The following FAF1 variants were observed in gnomAD, a reference collection of about 807,000 sequenced individuals.
The protein encoded by FAF1 is Fas associated factor 1, also known as FAS-associated factor 1.
FAF1 carries 25 observed loss-of-function variants against 92.5 expected under a neutral mutation model. That is an observed-to-expected ratio of 0.27 (90% CI 0.20 to 0.38). FAF1 has a LOEUF of 0.38. Among genes scored for constraint, FAF1 ranks in the 10% least tolerant of loss-of-function variants. FAF1 has a pLI of 1.00. For synonymous variants in FAF1, 234 were observed against 273.2 expected, an observed-to-expected ratio of 0.86 and a Z score of 1.42; for missense variants, 636 against 793.3, an observed-to-expected ratio of 0.80 and a Z score of 2.38.
chr1:50,646,779 G>A (rs1018996814), intron 8 of FAF1, among the ~76,000 whole-genome samples: 1 of 152,034 alleles, frequency 6.6e-6, no homozygotes, highest in African/African-American at 2.4e-5. Context: ...CAACTTTAAG[G>A]GCCAGCACAG....
chr1:50,718,557 G>T lies in FAF1; in HGVS notation c.552-12666C>A, dbSNP rs541452516. 3.4e-4 allele frequency among the ~76,000 whole-genome samples: 51 copies of T among 152,162 alleles called. No homozygotes were observed. In the South Asian group the frequency reaches 0.01, roughly 31 times the overall value. The stretch of plus-strand genomic sequence containing the variant: ...CATATGTTATTTCTTTTCTTGCACT[G>T]TATATTTTAAACAAAAATAACAATT... On this transcript the variant is annotated intron_variant, in intron 6 of 18. Coordinates refer to ENST00000396153, the MANE Select transcript of FAF1 (RefSeq NM_007051.3).
At chr1:50,625,326 A>G (rs187993855) in intron 8 of FAF1, among the ~76,000 whole-genome samples, 91 of 152,310 alleles carry the variant, frequency 6.0e-4, no homozygotes, top group African/African-American at 2.1e-3. Flanking sequence ...TTCTCTAATC[A>G]TCCTGTCAAC....
chr1:50,586,724 T>C (rs913672829), intron 9 of FAF1, among the ~76,000 whole-genome samples: 3 of 152,184 alleles, frequency 2.0e-5, no homozygotes, highest in African/African-American at 7.2e-5. Context: ...CAATGCTTTC[T>C]CATTTTAGAG....
At chr1:50,700,026 G>A (rs1569792802) in intron 7 of FAF1, among the ~76,000 whole-genome samples, 1 of 151,806 alleles carries the variant, frequency 6.6e-6, no homozygotes, top group Non-Finnish European at 1.5e-5. Flanking sequence ...CTTAAATAGC[G>A]CACTTTAAAA....
intron 1 of FAF1, among the ~76,000 whole-genome samples, chr1:50,891,699 G>A (rs1354879461): frequency 6.6e-6 from 1 of 152,212 alleles, no homozygotes; most frequent in East Asian, 1.9e-4. Context: ...AAATGTTGCT[G>A]CCTGATGATT....
At chr1:50,920,441 TCATGTCACTGATACG>T (rs1644954018) in intron 1 of FAF1, among the ~76,000 whole-genome samples, 1 of 152,086 alleles carries the variant, frequency 6.6e-6, no homozygotes, top group Non-Finnish European at 1.5e-5. Context: ...ATTGCCTGGC[TCATGTCACTGATACG>T]TGGCAGATGC....
chr1:50,605,324 A>C (rs998678498), intron 8 of FAF1, among the ~76,000 whole-genome samples: 1 of 152,218 alleles, frequency 6.6e-6, no homozygotes. Flanking sequence ...GAGGTTCTGA[A>C]GTATTTTACG....
intron 12 of FAF1, among the ~76,000 whole-genome samples, chr1:50,579,235 C>T (rs1015606024): frequency 3.3e-5 from 5 of 152,034 alleles, no homozygotes; most frequent in South Asian, 2.1e-4. Context: ...CTTTTGTCTA[C>T]GATATACTGT....
chr1:50,528,320 A>G (rs558777822), intron 15 of FAF1, among the ~76,000 whole-genome samples: 1 of 152,276 alleles, frequency 6.6e-6, no homozygotes, highest in African/African-American at 2.4e-5. Flanking sequence ...GCTTTTAGCA[A>G]TAGATTTTTT....
At chr1:50,838,064 G>A (rs921121664) in intron 2 of FAF1, among the ~76,000 whole-genome samples, 1 of 151,892 alleles carries the variant, frequency 6.6e-6, no homozygotes, top group Non-Finnish European at 1.5e-5. Context: ...TATACAATGT[G>A]TCCCTTAAAA....
At chr1:50,768,047 A>G (rs2124540917) in intron 4 of FAF1, among the ~76,000 whole-genome samples, 1 of 152,376 alleles carries the variant, frequency 6.6e-6, no homozygotes, top group Non-Finnish European at 1.5e-5. Context: ...TGCCAAAAAG[A>G]GAACCATCAC....
chr1:50,774,151 A>C lies in FAF1; in HGVS notation c.367+13849T>G, dbSNP rs1188094549. ...TGCAGGTAGACTAAACAATACTACT[A>C]ACACACAACATTTGCTGTCTTTCTT... On this transcript the variant is annotated intron_variant, in intron 4 of 18. Transcript: ENST00000396153. Among the ~76,000 whole-genome samples, 4 of 152,192 alleles carry C rather than the reference A, an allele frequency of 2.6e-5. No individual in the cohort carries two copies. The East Asian group carries it at 7.7e-4, about 29-fold the overall frequency.
chr1:50,684,675 A>G (rs906015017), intron 7 of FAF1, among the ~76,000 whole-genome samples: 25 of 152,206 alleles, frequency 1.6e-4, no homozygotes, highest in African/African-American at 6.0e-4. Flanking sequence ...AAATTCCTGA[A>G]TATTTAATAA....
intron 2 of FAF1, among the ~76,000 whole-genome samples, chr1:50,855,523 G>A (rs745836722): frequency 2.7e-4 from 41 of 151,812 alleles, no homozygotes; most frequent in Non-Finnish European, 5.3e-4. Flanking sequence ...CCTAGAAAAT[G>A]CAGATCAGTG....
intron 6 of FAF1, among the ~76,000 whole-genome samples, chr1:50,732,318 G>T (rs1445290628): frequency 1.3e-5 from 2 of 151,934 alleles, no homozygotes; most frequent in Non-Finnish European, 2.9e-5. Flanking sequence ...CTCGTGATCT[G>T]CCCACCTTGG....
Position 50,438,925 on chromosome 1 carries a change from T to C in FAF1, c.*2515A>G, listed in dbSNP as rs374363156. 1.3e-4 allele frequency: 20 copies of C among 151,768 alleles called. 1 individual carries two copies. The highest frequency in any genetic ancestry group is 4.9e-4 in the African/African-American group (20 of 41,038). 9.4% of individuals were successfully genotyped at this position (151,768 alleles called of 1,614,324 possible). On this transcript the variant is annotated 3_prime_UTR_variant, in exon 19 of 19. Transcript: ENST00000396153. Reference sequence around the variant, plus strand: ...TGCCAGAGAATGGCAACATCCGAAATCAGAAACCTCCAAAAAAATCCCTGC... The same window carrying C: ...TGCCAGAGAATGGCAACATCCGAAACCAGAAACCTCCAAAAAAATCCCTGC...
At chr1:50,567,025 G>T (rs945756374) in intron 13 of FAF1, 52 bp downstream of exon 13, 1 of 1,333,774 alleles carries the variant, frequency 7.5e-7, no homozygotes, top group Non-Finnish European at 1.0e-6. Flanking sequence ...TAAACACAAT[G>T]ATTTTTTTTT....
Position 50,798,783 on chromosome 1 carries a change from C to T in FAF1, c.161+2848G>A, listed in dbSNP as rs113928129. On this transcript the variant is annotated intron_variant, in intron 3 of 18. Coordinates refer to ENST00000396153, the MANE Select transcript of FAF1 (RefSeq NM_007051.3). ...AATAATATCTGCCTTTAATAGCTTA[C>T]GACTAAAATAATAACTATAAAAAAC... 2.6e-3 allele frequency among the ~76,000 whole-genome samples: 393 copies of T among 152,256 alleles called. 1 individual carries two copies. The highest frequency in any genetic ancestry group is 0.011 in the South Asian group (52 of 4,824).
intron 7 of FAF1, among the ~76,000 whole-genome samples, chr1:50,667,646 C>T (rs1488175844): frequency 1.3e-5 from 2 of 152,178 alleles, no homozygotes; most frequent in African/African-American, 4.8e-5. Flanking sequence ...CACAAGTGCA[C>T]ACATGCGCAA....
Sources: allele counts gnomAD v4.1 joint callset (sites outside exome capture counted in the v4.1 genomes callset), GRCh38; gene constraint gnomAD v4.1.1; transcripts MANE v1.5; gene names NCBI Gene and HGNC (gene_info 2026-07-23, HGNC 2026-07-21).